Variants in PPP2R2C observed in about 807,000 individuals in gnomAD.
The protein encoded by PPP2R2C is protein phosphatase 2, regulatory subunit B, gamma.
PPP2R2C carries 10 observed loss-of-function variants against 45.3 expected under a neutral mutation model. The ratio of observed to expected loss-of-function variants is 0.22; its 90% CI spans 0.14 to 0.37. The LOEUF (loss-of-function observed/expected upper bound fraction) is 0.37, where lower values mean the gene tolerates loss of function less well. PPP2R2C is among the 10% of genes least tolerant of loss of function. PPP2R2C has a pLI of 1.00. For synonymous variants in PPP2R2C, 257 were observed against 245.4 expected (o/e 1.05, Z -0.44); for missense variants, 308 against 619.7 (o/e 0.50, Z 5.34).
chr4:6,401,788 G>A (rs557353337), intron 1 of PPP2R2C, among the ~76,000 whole-genome samples: 2 of 152,274 alleles, frequency 1.3e-5, no homozygotes, highest in East Asian at 1.9e-4. Context: ...GGAGAACAGC[G>A]CTATTTATCT....
At chr4:6,524,843 C>G (rs895311432) in intron 2 of PPP2R2C, among the ~76,000 whole-genome samples, 1 of 152,208 alleles carries the variant, frequency 6.6e-6, no homozygotes, top group Non-Finnish European at 1.5e-5. Flanking sequence ...AATCCCAGCA[C>G]TTTGGGAGGC....
chr4:6,450,261 G>C (rs1346635110), intron 1 of PPP2R2C, among the ~76,000 whole-genome samples: 2 of 152,122 alleles, frequency 1.3e-5, no homozygotes, highest in African/African-American at 4.8e-5. Flanking sequence ...GGTGGTGGTC[G>C]AGATACAGGC....
intron 1 of PPP2R2C, among the ~76,000 whole-genome samples, chr4:6,394,100 G>T (rs1472034718): frequency 6.6e-6 from 1 of 152,220 alleles, no homozygotes; most frequent in Non-Finnish European, 1.5e-5. Flanking sequence ...GACGAAGCTT[G>T]CCAAGGCTCT....
intron 2 of PPP2R2C, among the ~76,000 whole-genome samples, chr4:6,482,464 T>C: frequency 6.6e-6 from 1 of 152,210 alleles, no homozygotes; most frequent in East Asian, 1.9e-4. Flanking sequence ...GGTACATCTT[T>C]TGTTAGATTT....
intron 1 of PPP2R2C, among the ~76,000 whole-genome samples, chr4:6,446,993 G>A (rs956215002): frequency 2.6e-5 from 4 of 152,126 alleles, no homozygotes; most frequent in African/African-American, 9.7e-5. Context: ...GCAAGGTCTT[G>A]GCAGAGCAAC....
intron 6 of PPP2R2C, 32 bp downstream of exon 6, chr4:6,347,814 A>AC: frequency 4.4e-6 from 3 of 681,628 alleles, no homozygotes; most frequent in Non-Finnish European, 6.8e-6. Context: ...TGCCCAATGC[A>AC]CAGCCCCCCA....
At chr4:6,542,062 T>C (rs943087210) in intron 1 of PPP2R2C, among the ~76,000 whole-genome samples, 1 of 152,358 alleles carries the variant, frequency 6.6e-6, no homozygotes, top group East Asian at 1.9e-4. Context: ...GTGATCACAA[T>C]GAAAGACCAC....
chr4:6,430,439 A>C (rs1297016188), intron 1 of PPP2R2C, among the ~76,000 whole-genome samples: 1 of 152,138 alleles, frequency 6.6e-6, no homozygotes, highest in Admixed American at 6.5e-5. Context: ...AGAGGAGAGA[A>C]ATGACTTCCC....
chr4:6,335,372 C>T (rs542546294), intron 6 of PPP2R2C, among the ~76,000 whole-genome samples: 12 of 152,124 alleles, frequency 7.9e-5, no homozygotes, highest in Middle Eastern at 3.4e-3. Context: ...AGATTGGTGG[C>T]GATGCCTGGA....
chr4:6,509,674 T>C (rs1003872429), intron 2 of PPP2R2C, among the ~76,000 whole-genome samples: 1 of 152,216 alleles, frequency 6.6e-6, no homozygotes, highest in African/African-American at 2.4e-5. Flanking sequence ...TTCACAAAGC[T>C]GTGAGCTATG....
At chr4:6,425,142 T>G (rs1015587898) in intron 1 of PPP2R2C, among the ~76,000 whole-genome samples, 1 of 152,136 alleles carries the variant, frequency 6.6e-6, no homozygotes, top group Non-Finnish European at 1.5e-5. Flanking sequence ...TGCTGGAACA[T>G]GAGAGTCAGG....
At chr4:6,389,448 G>T (rs551871355) in intron 1 of PPP2R2C, among the ~76,000 whole-genome samples, 1 of 152,336 alleles carries the variant, frequency 6.6e-6, no homozygotes, top group African/African-American at 2.4e-5. Flanking sequence ...ATTGTCAGAG[G>T]TATCAGGGCT....
At chr4:6,439,226 A>C (rs745957945) in intron 1 of PPP2R2C, among the ~76,000 whole-genome samples, 4 of 152,276 alleles carry the variant, frequency 2.6e-5, no homozygotes, top group Non-Finnish European at 5.9e-5. Flanking sequence ...TGCCAGTATC[A>C]GCAGAAATGA....
At chr4:6,460,314 C>T (rs999688438) in intron 1 of PPP2R2C, among the ~76,000 whole-genome samples, 1 of 152,160 alleles carries the variant, frequency 6.6e-6, no homozygotes, top group African/African-American at 2.4e-5. Flanking sequence ...CACAGACACA[C>T]ACAGGAAAGA....
chr4:6,505,811 C>G (rs953136082), intron 2 of PPP2R2C, among the ~76,000 whole-genome samples: 3 of 152,070 alleles, frequency 2.0e-5, no homozygotes, highest in Non-Finnish European at 2.9e-5. Flanking sequence ...ACTAAAAATA[C>G]AAAAATTAGC....
chr4:6,449,997 T>C (rs1720650828), intron 1 of PPP2R2C, among the ~76,000 whole-genome samples: 1 of 152,174 alleles, frequency 6.6e-6, no homozygotes, highest in Admixed American at 6.5e-5. Context: ...TTTCTAGGAT[T>C]CCCTCCTAAT....
chr4:6,498,649 G>C (rs1722948303), intron 2 of PPP2R2C, among the ~76,000 whole-genome samples: 1 of 152,142 alleles, frequency 6.6e-6, no homozygotes, highest in African/African-American at 2.4e-5. Flanking sequence ...CTCCAAGGTG[G>C]AGGAGCTGGT....
intron 2 of PPP2R2C, among the ~76,000 whole-genome samples, chr4:6,512,246 T>C (rs1577231355): frequency 1.2e-5 from 1 of 83,476 alleles, no homozygotes; most frequent in Non-Finnish European, 2.5e-5. Context: ...GTGGGGGTGG[T>C]GGTGGTGATG....
At chr4:6,406,649 C>T (rs1482797089) in intron 1 of PPP2R2C, among the ~76,000 whole-genome samples, 2 of 151,988 alleles carry the variant, frequency 1.3e-5, no homozygotes, top group African/African-American at 4.8e-5. Flanking sequence ...CTCAGCTACT[C>T]GGGAGGCTGA....
Sources: allele counts gnomAD v4.1 joint callset (sites outside exome capture counted in the v4.1 genomes callset), GRCh38; gene constraint gnomAD v4.1.1; transcripts MANE v1.5; gene names NCBI Gene and HGNC (gene_info 2026-07-23, HGNC 2026-07-21).